RMDN2: variants seen among roughly 807,000 people sequenced by gnomAD.
RMDN2 encodes the protein regulator of microtubule dynamics protein 2.
In RMDN2, 61 loss-of-function variants were observed where a neutral mutation model predicts 52.8. The ratio of observed to expected loss-of-function variants is 1.16; its 90% CI spans 0.94 to 1.43. RMDN2 has a LOEUF of 1.43. Ranked by LOEUF, RMDN2 falls within the 40% of genes most tolerant of loss-of-function variation. RMDN2 has a pLI of 0.00. For missense variants in RMDN2, 592 were observed against 475.3 expected (o/e 1.25, Z -2.28); for synonymous variants, 180 against 153.1 (o/e 1.18, Z -1.30).
chr2:37,937,226 T>G (rs193166401), intron 2 of RMDN2, among the ~76,000 whole-genome samples: 1 of 152,304 alleles, frequency 6.6e-6, no homozygotes, highest in Admixed American at 6.5e-5. Context: ...ATGTGTGGTG[T>G]TATTTCTGAA....
intron 2 of RMDN2, among the ~76,000 whole-genome samples, chr2:37,970,206 G>A (rs1287404790): frequency 7.2e-5 from 11 of 152,030 alleles, no homozygotes; most frequent in African/African-American, 2.2e-4. Context: ...GGAATATACC[G>A]CACCTGGCTG....
chr2:38,004,240 G>C, intron 10 of RMDN2, 24 bp downstream of exon 10: 1 of 1,534,802 alleles, frequency 6.5e-7, no homozygotes, highest in Non-Finnish European at 9.0e-7. Flanking sequence ...GTGACAGTGA[G>C]TGCTGTTGTC....
chr2:38,053,475 T>C (rs1467736591), intron 10 of RMDN2, among the ~76,000 whole-genome samples: 1 of 152,168 alleles, frequency 6.6e-6, no homozygotes, highest in African/African-American at 2.4e-5. Flanking sequence ...TTTCAAGGGC[T>C]CCAAGAAGTT....
At chr2:37,940,878 G>A (rs540275617) in intron 2 of RMDN2, among the ~76,000 whole-genome samples, 2 of 152,254 alleles carry the variant, frequency 1.3e-5, no homozygotes, top group East Asian at 3.9e-4. Flanking sequence ...CCCACCTTCT[G>A]AAGCCTACTT....
chr2:38,033,938 A>G (rs1048659375), intron 10 of RMDN2, among the ~76,000 whole-genome samples: 1 of 152,256 alleles, frequency 6.6e-6, no homozygotes, highest in Non-Finnish European at 1.5e-5. Flanking sequence ...AACCAAGAAC[A>G]CATGTCTTGG....
At chr2:37,937,559 C>G (rs1399788061) in intron 2 of RMDN2, among the ~76,000 whole-genome samples, 1 of 152,098 alleles carries the variant, frequency 6.6e-6, no homozygotes, top group Non-Finnish European at 1.5e-5. Flanking sequence ...TGTTTGTGTC[C>G]TCTCTTGTTT....
At chr2:38,064,697 C>T (rs571574321) in intron 10 of RMDN2, among the ~76,000 whole-genome samples, 5 of 151,240 alleles carry the variant, frequency 3.3e-5, no homozygotes, top group South Asian at 4.2e-4. Context: ...AATATACCAT[C>T]GAATAGTGGA....
chr2:38,055,366 C>G (rs149288017), intron 10 of RMDN2, among the ~76,000 whole-genome samples: 4 of 152,200 alleles, frequency 2.6e-5, no homozygotes, highest in Admixed American at 2.6e-4. Flanking sequence ...AACCTACCTC[C>G]CCAACCTCAC....
rs1674512406 is a variant in RMDN2, at chr2:37,989,754, G to A, written c.867+138G>A. ...CAGATTATTCAACAGATTAAGCTCT[G>A]GGAATTTGCTTTTTTGTTTAAATGT... On this transcript the variant is annotated intron_variant, in intron 6 of 10. Coordinates refer to ENST00000354545, the MANE Select transcript of RMDN2 (RefSeq NM_001170791.3). The A allele has an allele frequency of 7.4e-6, 4 of 540,762 alleles. No homozygotes were observed. The East Asian group carries it at 1.2e-4, about 16-fold the overall frequency. The allele number at this position is 540,762 out of a possible 1,614,324, so 33.5% of individuals were successfully genotyped here.
chr2:37,967,269 T>C lies in RMDN2; in HGVS notation c.453-6771T>C, dbSNP rs114419656. 3.0e-3 allele frequency among the ~76,000 whole-genome samples: 463 copies of C among 152,346 alleles called. 1 individual carries two copies. Among genetic ancestry groups the C allele is most frequent in the African/African-American group, 0.011 (446 of 41,584 alleles). On this transcript the variant is annotated intron_variant, in intron 2 of 10. Coordinates refer to ENST00000354545, the MANE Select transcript of RMDN2 (RefSeq NM_001170791.3). Reference sequence around the variant, plus strand: ...TAAAAAATTAAAGTTAAACAAACTTTCCATTGAATGGGTGCTAAAACTGTT... The same window carrying C: ...TAAAAAATTAAAGTTAAACAAACTTCCCATTGAATGGGTGCTAAAACTGTT...
chr2:38,038,199 C>G (rs1265108784), intron 10 of RMDN2, among the ~76,000 whole-genome samples: 1 of 152,158 alleles, frequency 6.6e-6, no homozygotes, highest in Non-Finnish European at 1.5e-5. Flanking sequence ...CGGGACTTTC[C>G]ACTGGAGGCT....
intron 2 of RMDN2, chr2:37,951,926 A>C: frequency 6.2e-7 from 1 of 1,613,394 alleles, no homozygotes; most frequent in Non-Finnish European, 8.5e-7. Flanking sequence ...ATATTCAACA[A>C]AGGGGCCAAT....
chr2:37,951,692 C>A (rs200104184), intron 2 of RMDN2: 4 of 1,612,344 alleles, frequency 2.5e-6, no homozygotes, highest in East Asian at 2.2e-5. Flanking sequence ...TAAATGAAAT[C>A]GAAATCTTTT....
At chr2:37,933,694 G>A (rs940745803) in intron 2 of RMDN2, among the ~76,000 whole-genome samples, 7 of 152,246 alleles carry the variant, frequency 4.6e-5, no homozygotes. Flanking sequence ...ATCAGGCAGG[G>A]AGGTTGCAGT....
intron 2 of RMDN2, among the ~76,000 whole-genome samples, chr2:37,968,454 A>G (rs1169133003): frequency 6.8e-6 from 1 of 147,402 alleles, no homozygotes; most frequent in African/African-American, 2.6e-5. Flanking sequence ...AAAAAAAAAA[A>G]AAAAAAAGAA....
intron 10 of RMDN2, among the ~76,000 whole-genome samples, chr2:38,011,786 T>C (rs1678030850): frequency 6.6e-6 from 1 of 152,184 alleles, no homozygotes; most frequent in African/African-American, 2.4e-5. Flanking sequence ...GCAAGTATAT[T>C]GCAGGTCATG....
At chr2:38,002,955 G>A (rs2125186737) in intron 8 of RMDN2, 1 of 152,306 alleles carries the variant, frequency 6.6e-6, no homozygotes, top group Admixed American at 6.5e-5. Flanking sequence ...ACTGACTTAG[G>A]TTCTAAGAAG....
intron 10 of RMDN2, among the ~76,000 whole-genome samples, chr2:38,023,028 G>A (rs1420067265): frequency 6.6e-6 from 1 of 152,134 alleles, no homozygotes; most frequent in Non-Finnish European, 1.5e-5. Context: ...GTAGAATGGG[G>A]GCTCTAAGAA....
At chr2:38,029,011 G>C (rs1679985021) in intron 10 of RMDN2, among the ~76,000 whole-genome samples, 1 of 152,088 alleles carries the variant, frequency 6.6e-6, no homozygotes. Context: ...AAGAACAGGA[G>C]ACTGGGCGGG....
Sources: allele counts gnomAD v4.1 joint callset (sites outside exome capture counted in the v4.1 genomes callset), GRCh38; gene constraint gnomAD v4.1.1; transcripts MANE v1.5; gene names NCBI Gene and HGNC (gene_info 2026-07-23, HGNC 2026-07-21).